EPHB2: variants seen among roughly 807,000 people sequenced by gnomAD.
EPHB2 encodes the protein ephrin type-B receptor 2.
A neutral mutation model predicts 96.4 loss-of-function variants in EPHB2; 18 were observed. That is an observed-to-expected ratio of 0.19 (90% CI 0.13 to 0.28). The LOEUF (loss-of-function observed/expected upper bound fraction) is 0.28, where lower values mean the gene tolerates loss of function less well. Ranked by LOEUF, EPHB2 falls within the 10% of genes least tolerant of loss-of-function variation. The probability of loss-of-function intolerance (pLI) is 1.00; values close to 1 mark genes in which losing one functional copy is unlikely to be tolerated. For missense variants in EPHB2, 989 were observed against 1,355.4 expected (o/e 0.73, Z 4.25); for synonymous variants, 506 against 534.1 (o/e 0.95, Z 0.72).
intron 1 of EPHB2, among the ~76,000 whole-genome samples, chr1:22,746,590 T>G (rs1643977956): frequency 2.0e-5 from 3 of 152,092 alleles, no homozygotes; most frequent in African/African-American, 4.8e-5. Context: ...GATGGTGAAA[T>G]TAGCCTTTTG....
At chr1:22,776,118 C>T (rs1466926649) in intron 1 of EPHB2, among the ~76,000 whole-genome samples, 1 of 152,142 alleles carries the variant, frequency 6.6e-6, no homozygotes, top group Non-Finnish European at 1.5e-5. Context: ...CCTGCTTAAC[C>T]CCTCCAGGCT....
intron 3 of EPHB2, among the ~76,000 whole-genome samples, chr1:22,789,224 T>A (rs1337440346): frequency 6.6e-6 from 1 of 152,180 alleles, no homozygotes; most frequent in Non-Finnish European, 1.5e-5. Context: ...CCTGGGGCAG[T>A]GGAACATTAG....
intron 9 of EPHB2, among the ~76,000 whole-genome samples, chr1:22,902,571 C>A (rs1451279665): frequency 6.6e-6 from 1 of 152,234 alleles, no homozygotes; most frequent in Non-Finnish European, 1.5e-5. Flanking sequence ...TTCTCAAAGA[C>A]ATTCAAGACA....
At chr1:22,793,340 G>A (rs935039521) in intron 3 of EPHB2, among the ~76,000 whole-genome samples, 4 of 152,244 alleles carry the variant, frequency 2.6e-5, no homozygotes, top group Admixed American at 1.3e-4. Flanking sequence ...AGTCTAGGGC[G>A]CAGGAGAGAG....
intron 1 of EPHB2, among the ~76,000 whole-genome samples, chr1:22,714,217 G>A (rs1296770732): frequency 1.3e-5 from 2 of 152,166 alleles, no homozygotes; most frequent in Admixed American, 6.5e-5. Context: ...CCCAGAGGAG[G>A]CTGTGAACCC....
At chr1:22,787,031 C>A (rs1421858750) in intron 3 of EPHB2, among the ~76,000 whole-genome samples, 1 of 152,192 alleles carries the variant, frequency 6.6e-6, no homozygotes, top group Non-Finnish European at 1.5e-5. Flanking sequence ...AGTCATCAAA[C>A]TTTTACTGAG....
intron 1 of EPHB2, among the ~76,000 whole-genome samples, chr1:22,773,552 GTTC>G (rs1414984935): frequency 6.6e-6 from 1 of 152,230 alleles, no homozygotes; most frequent in African/African-American, 2.4e-5. Flanking sequence ...TGAGGTGTCT[GTTC>G]ATCTTCAGCT....
intron 3 of EPHB2, among the ~76,000 whole-genome samples, chr1:22,815,543 C>T (rs1645063438): frequency 6.6e-6 from 1 of 152,200 alleles, no homozygotes; most frequent in Non-Finnish European, 1.5e-5. Flanking sequence ...GTGCAGCCAG[C>T]CCACGCTGGA....
intron 3 of EPHB2, among the ~76,000 whole-genome samples, chr1:22,850,331 A>G (rs1016967691): frequency 6.6e-6 from 1 of 152,206 alleles, no homozygotes; most frequent in Non-Finnish European, 1.5e-5. Context: ...AACACAGCCA[A>G]CAAGGTACAG....
intron 9 of EPHB2, 135 bp from the exon 10 acceptor site, chr1:22,905,852 C>T (rs1639894268): frequency 2.2e-6 from 3 of 1,391,260 alleles, no homozygotes; most frequent in Middle Eastern, 2.4e-4. Context: ...GTCAAGTGAC[C>T]TGCAGGGAGT....
chr1:22,735,625 C>T (rs1643811045), intron 1 of EPHB2, among the ~76,000 whole-genome samples: 1 of 152,208 alleles, frequency 6.6e-6, no homozygotes, highest in Non-Finnish European at 1.5e-5. Context: ...CCTTCTCCCA[C>T]TTCCCAGGGG....
chr1:22,881,119 C>G (rs1417869296), intron 5 of EPHB2, among the ~76,000 whole-genome samples: 3 of 152,210 alleles, frequency 2.0e-5, no homozygotes, highest in Non-Finnish European at 4.4e-5. Flanking sequence ...ACAAAAATTA[C>G]ACCAGGCACA....
intron 6 of EPHB2, among the ~76,000 whole-genome samples, chr1:22,888,046 GT>G (rs993382386): frequency 6.6e-5 from 10 of 151,798 alleles, no homozygotes; most frequent in East Asian, 1.9e-4. Context: ...TTTTTTGGGG[GT>G]TTTTTTTGTG....
intron 1 of EPHB2, among the ~76,000 whole-genome samples, chr1:22,775,918 G>A (rs1459189430): frequency 1.3e-5 from 2 of 152,240 alleles, no homozygotes; most frequent in African/African-American, 2.4e-5. Flanking sequence ...GAGCAGCCAA[G>A]GTCTGGGAAC....
chr1:22,849,014 T>C (rs1443322825), intron 3 of EPHB2, among the ~76,000 whole-genome samples: 1 of 152,090 alleles, frequency 6.6e-6, no homozygotes, highest in Non-Finnish European at 1.5e-5. Context: ...ATAGCACTGT[T>C]AGAACAAAGG....
rs766758093 is a variant in EPHB2 at position 22,785,091 on chromosome 1, G to A, written c.811+15G>A. The A allele has an allele frequency of 6.2e-7, 1 of 1,613,304 alleles. No individual in the cohort carries two copies. The highest frequency in any genetic ancestry group is 1.3e-5 in the African/African-American group (1 of 75,070). On this transcript the variant is annotated intron_variant, in intron 3 of 15. Transcript: ENST00000374630. Reference sequence around the variant, plus strand: ...CGTCTGCCGAGGTAAGGGCCAGGGTGGGGCACGTGCCCCTGCAAATGCATA... The same window carrying A: ...CGTCTGCCGAGGTAAGGGCCAGGGTAGGGCACGTGCCCCTGCAAATGCATA...
At chr1:22,833,923 T>C (rs1470698104) in intron 3 of EPHB2, among the ~76,000 whole-genome samples, 1 of 151,760 alleles carries the variant, frequency 6.6e-6, no homozygotes, top group Non-Finnish European at 1.5e-5. Flanking sequence ...TAGAATAAAA[T>C]AGGTAGCAAG....
intron 1 of EPHB2, among the ~76,000 whole-genome samples, chr1:22,755,631 T>C (rs762206774): frequency 1.3e-5 from 2 of 152,180 alleles, no homozygotes; most frequent in African/African-American, 2.4e-5. Context: ...CGCTCTGCCC[T>C]GAAATGGCCA....
In EPHB2 at chr1:22,914,008, C is replaced by A; in HGVS notation, c.*438C>A. 1 of 1,192,380 alleles carries A rather than the reference C, an allele frequency of 8.4e-7. No homozygotes were observed. The highest frequency in any genetic ancestry group is 1.1e-6 in the Non-Finnish European group (1 of 871,674). 73.9% of individuals were successfully genotyped at this position (1,192,380 alleles called of 1,614,324 possible). On this transcript the variant is annotated 3_prime_UTR_variant, in exon 16 of 16. Transcript: ENST00000374630. ...CAAATGTGAAGGGGAGAGACAGGGG[C>A]CGCCCTTGGCTCCTGTCCCTGCTGC...
Sources: gnomAD v4.1 joint callset for allele counts (sites outside exome capture counted in the v4.1 genomes callset) on GRCh38, gnomAD v4.1.1 for gene constraint, MANE v1.5 for transcripts, NCBI Gene and HGNC (gene_info 2026-07-23, HGNC 2026-07-21) for gene names.